Variants in ARHGAP40 observed in about 807,000 individuals in gnomAD.
ARHGAP40 encodes the protein rho GTPase-activating protein 40.
ARHGAP40 carries 43 observed loss-of-function variants against 73.5 expected under a neutral mutation model. The ratio of observed to expected loss-of-function variants is 0.58; its 90% CI spans 0.46 to 0.75. ARHGAP40 has a LOEUF of 0.75. Ranked by LOEUF, ARHGAP40 falls within the 30% of genes least tolerant of loss-of-function variation. ARHGAP40 has a pLI of 0.00. For synonymous variants in ARHGAP40, 300 were observed against 352.8 expected (o/e 0.85, Z 1.68); for missense variants, 734 against 861.8 (o/e 0.85, Z 1.86).
rs2089000494 is a variant in ARHGAP40, at chr20:38,639,477, C to T, written c.1279+91C>T. 2.4e-6 allele frequency: 3 copies of T among 1,230,594 alleles called. No individual in the cohort carries two copies. In the Admixed American group the frequency reaches 8.3e-5, roughly 34 times the overall value. 76.2% of individuals were successfully genotyped at this position (1,230,594 alleles called of 1,614,324 possible). On this transcript the variant is annotated intron_variant, in intron 9 of 14. Transcript: ENST00000373345. Reference sequence around the variant, plus strand: ...GGGGAAGCCATGCAAAGGCAGGACTCCGTGTTCCTGGAAATGTCTGTTCCA... The same window carrying T: ...GGGGAAGCCATGCAAAGGCAGGACTTCGTGTTCCTGGAAATGTCTGTTCCA...
chr20:38,640,633 A>C (rs2089012511), intron 9 of ARHGAP40, among the ~76,000 whole-genome samples: 1 of 152,156 alleles, frequency 6.6e-6, no homozygotes, highest in South Asian at 2.1e-4. Context: ...CCTCCGGCTC[A>C]GGTCCTGCCT....
chr20:38,640,121 C>CT (rs879943979), intron 9 of ARHGAP40, among the ~76,000 whole-genome samples: 85,597 of 143,942 alleles, frequency 0.59, 25,683 homozygotes, highest in South Asian at 0.68. Flanking sequence ...TCTTCCTCTT[C>CT]TTCCTCTTCT....
chr20:38,640,149 TCC>T lies in ARHGAP40; in HGVS notation c.1279+764_1279+765del, dbSNP rs1491013851. ...CCTCTTCTTTCTTCTTCTTTCTTCT[TCC>T]TCTTCTTTCTTCTTTCTTCTTCTTT... On this transcript the variant is annotated intron_variant, in intron 9 of 14. Transcript: ENST00000373345. 3.3e-3 allele frequency among the ~76,000 whole-genome samples: 416 copies of T among 125,940 alleles called. 4 individuals are homozygous for T. Among genetic ancestry groups the T allele is most frequent in the African/African-American group, 9.2e-3 (262 of 28,422 alleles). The allele number at this position is 125,940 out of a possible 152,430, so 82.6% of individuals were successfully genotyped here.
intron 1 of ARHGAP40, among the ~76,000 whole-genome samples, chr20:38,609,451 A>T (rs544668414): frequency 1.3e-5 from 2 of 152,230 alleles, no homozygotes; most frequent in African/African-American, 4.8e-5. Context: ...TAAGTTTATT[A>T]ATCCTTCAAA....
At chr20:38,622,045 C>T (rs184535415) in intron 1 of ARHGAP40, among the ~76,000 whole-genome samples, 3 of 151,560 alleles carry the variant, frequency 2.0e-5, no homozygotes, top group Admixed American at 6.5e-5. Context: ...TAGAACCAGA[C>T]CTTGCCTCAA....
chr20:38,640,414 G>A (rs925280593), intron 9 of ARHGAP40, among the ~76,000 whole-genome samples: 1 of 151,794 alleles, frequency 6.6e-6, no homozygotes, highest in African/African-American at 2.4e-5. Context: ...AGTGACGGGG[G>A]TCTCGCTATG....
chr20:38,618,902 C>T (rs2088858407), intron 1 of ARHGAP40, among the ~76,000 whole-genome samples: 1 of 152,088 alleles, frequency 6.6e-6, no homozygotes, highest in Admixed American at 6.6e-5. Flanking sequence ...AGACATAGGC[C>T]CCACCTCCCC....
At chr20:38,641,605 A>T in intron 9 of ARHGAP40, 121 bp from the exon 10 acceptor site, 1 of 625,004 alleles carries the variant, frequency 1.6e-6, no homozygotes, top group Non-Finnish European at 2.4e-6. Context: ...CACCTTATGA[A>T]AAAAGGGATT....
At position 38,633,539 on chromosome 20, in the gene ARHGAP40, C is replaced by T. The variant is rs112962731; in HGVS notation, c.784-1081C>T. On this transcript the variant is annotated intron_variant, in intron 5 of 14. Coordinates refer to ENST00000373345, the Ensembl canonical transcript of ARHGAP40. ...TTATCACTTCCACTTTGCAGATGAACACACAGGTAAAATTATTTGCGTGCA... is the reference window on the plus strand; with the variant it reads ...TTATCACTTCCACTTTGCAGATGAATACACAGGTAAAATTATTTGCGTGCA... 9.2e-3 allele frequency among the ~76,000 whole-genome samples: 1,405 copies of T among 152,316 alleles called. 23 individuals carry two copies. The highest frequency in any genetic ancestry group is 0.032 in the African/African-American group (1,328 of 41,548).
At chr20:38,611,552 G>A (rs2088805086) in intron 1 of ARHGAP40, among the ~76,000 whole-genome samples, 1 of 151,620 alleles carries the variant, frequency 6.6e-6, no homozygotes, top group African/African-American at 2.4e-5. Flanking sequence ...TGAACGGCTG[G>A]GACTCCAGTT....
rs1314916001 is a variant in ARHGAP40 at position 38,639,261 on chromosome 20, C to G, written c.1154C>G (p.Ala385Gly). ...CAGAAACTGGAGAGAGACTTCTATGCTGGCCTTTTTAGCTGGGACGAGGTT... is the reference window on the plus strand; with the variant it reads ...CAGAAACTGGAGAGAGACTTCTATGGTGGCCTTTTTAGCTGGGACGAGGTT... Residue 385 changes from alanine (A) to glycine (G), a missense_variant, in exon 9 of 15, where the codon GCT (alanine) becomes GGT (glycine). Physicochemically the swap from Ala to Gly is moderately conservative, Grantham distance 60. Transcript: ENST00000373345. 8 of 1,305,358 alleles carry G rather than the reference C, an allele frequency of 6.1e-6. No individual in the cohort carries two copies. In the East Asian group the frequency reaches 4.4e-4, roughly 72 times the overall value. The allele number at this position is 1,305,358 out of a possible 1,614,324, so 80.9% of individuals were successfully genotyped here. A position where few individuals can be genotyped will look rare whatever the true frequency, so the allele number is the denominator to read the frequency against.
chr20:38,620,933 A>G (rs2088870409), intron 1 of ARHGAP40, among the ~76,000 whole-genome samples: 1 of 152,258 alleles, frequency 6.6e-6, no homozygotes, highest in Admixed American at 6.5e-5. Flanking sequence ...GGCCATGTGC[A>G]GAAAGAACAT....
rs137945825 is a variant in ARHGAP40 at position 38,614,438 on chromosome 20, C to T, written c.138-8921C>T. ...AAGCACTGGTCAGCATCATTAGCTG[C>T]ACCATCTACCATCCTTCTCTGTGAC... On this transcript the variant is annotated intron_variant, in intron 1 of 14. Coordinates refer to ENST00000373345, the Ensembl canonical transcript of ARHGAP40. Among the ~76,000 whole-genome samples, 3 of 152,196 alleles carry T rather than the reference C, an allele frequency of 2.0e-5. No individual in the cohort carries two copies. In the East Asian group the frequency reaches 5.8e-4, roughly 29 times the overall value.
chr20:38,634,827 C>T (rs1473029220), intron 6 of ARHGAP40, 42 bp downstream of exon 6: 3 of 1,223,036 alleles, frequency 2.5e-6, no homozygotes, highest in South Asian at 3.0e-5. Context: ...GGCCACAGTC[C>T]TCATAGGGAG....
rs146948718 is a variant in ARHGAP40, at chr20:38,636,777, G to A, written c.950-931G>A. Among the ~76,000 whole-genome samples the A allele has an allele frequency of 3.3e-3, 504 of 152,258 alleles. 5 individuals carry two copies. Among genetic ancestry groups the A allele is most frequent in the African/African-American group, 0.012 (485 of 41,522 alleles). On this transcript the variant is annotated intron_variant, in intron 6 of 14. Transcript: ENST00000373345. The stretch of plus-strand genomic sequence containing the variant: ...CCTGAGATAATATTGCCCTTCAGCA[G>A]TGTATGAAAGTGTTCATTTCACTGC...
chr20:38,626,772 A>G (rs1193211462), intron 2 of ARHGAP40, among the ~76,000 whole-genome samples: 1 of 152,122 alleles, frequency 6.6e-6, no homozygotes, highest in Non-Finnish European at 1.5e-5. Flanking sequence ...ACATCCATAC[A>G]CTGGCTAATG....
exon 3 of ARHGAP40, chr20:38,627,041 C>T (rs1020867112): frequency 1.5e-6 from 2 of 1,304,984 alleles, no homozygotes; most frequent in African/African-American, 3.0e-5. Flanking sequence ...GCCTGTCGGG[C>T]CTCCTTGGTG....
At chr20:38,607,935 A>AT (rs531820863) in intron 1 of ARHGAP40, among the ~76,000 whole-genome samples, 4 of 151,538 alleles carry the variant, frequency 2.6e-5, no homozygotes, top group African/African-American at 7.3e-5. Flanking sequence ...TTTTTTGGGT[A>AT]TTTTTTTTCT....
chr20:38,630,619 G>A (rs1474393284), intron 5 of ARHGAP40, among the ~76,000 whole-genome samples: 2 of 151,986 alleles, frequency 1.3e-5, no homozygotes, highest in African/African-American at 2.4e-5. Context: ...ACTATAACTC[G>A]CTGTTAAGTG....
Sources: allele counts gnomAD v4.1 joint callset (sites outside exome capture counted in the v4.1 genomes callset), GRCh38; gene constraint gnomAD v4.1.1; transcripts MANE v1.5; gene names NCBI Gene and HGNC (gene_info 2026-07-23, HGNC 2026-07-21).